STK32B: variants seen among roughly 807,000 people sequenced by gnomAD.
STK32B encodes serine/threonine-protein kinase 32B.
In STK32B, 43 loss-of-function variants were observed where a neutral mutation model predicts 52.6. The observed-to-expected ratio is 0.82, with a 90% CI of 0.64 to 1.05. The LOEUF (loss-of-function observed/expected upper bound fraction) is 1.05, where lower values mean the gene tolerates loss of function less well. Among genes scored for constraint, STK32B ranks in the 50% least tolerant of loss-of-function variants. The pLI, the probability that STK32B is intolerant of heterozygous loss-of-function variation, is 0.00. For synonymous variants in STK32B, 238 were observed against 204.3 expected, an observed-to-expected ratio of 1.17 and a Z score of -1.41; for missense variants, 621 against 534.6, an observed-to-expected ratio of 1.16 and a Z score of -1.59.
At chr4:5,049,957 C>A (rs1485249295), upstream of STK32B, among the ~76,000 whole-genome samples, 1 of 152,158 alleles carries the variant, frequency 6.6e-6, no homozygotes, top group African/African-American at 2.4e-5. Context: ...ACCTTCTGGA[C>A]TCAGATGAAG....
chr4:5,185,985 C>A (rs779224850), intron 3 of STK32B, among the ~76,000 whole-genome samples: 4 of 152,222 alleles, frequency 2.6e-5, no homozygotes, highest in Non-Finnish European at 2.9e-5. Flanking sequence ...TCTGCTCAGG[C>A]TGTGCCCTCT....
At chr4:5,441,696 A>C (rs1249371288) in intron 6 of STK32B, among the ~76,000 whole-genome samples, 1 of 151,582 alleles carries the variant, frequency 6.6e-6, no homozygotes, top group Non-Finnish European at 1.5e-5. Context: ...TTGTGATGTT[A>C]GGGTGTCAAT....
intron 3 of STK32B, among the ~76,000 whole-genome samples, chr4:5,305,863 A>G (rs530547596): frequency 9.1e-4 from 139 of 152,224 alleles, no homozygotes; most frequent in Middle Eastern, 3.4e-3. Flanking sequence ...TCCTCTTAGC[A>G]CCACTTTTGC....
intron 3 of STK32B, among the ~76,000 whole-genome samples, chr4:5,298,699 A>G (rs1729365885): frequency 6.6e-6 from 1 of 152,218 alleles, no homozygotes; most frequent in Non-Finnish European, 1.5e-5. Flanking sequence ...AAGAATTTCA[A>G]GCCATTGGAT....
rs7679648 is a variant in STK32B, at chr4:5,410,954, A to G, written c.473-5891A>G. Among the ~76,000 whole-genome samples, 1,194 of 152,166 alleles carry G rather than the reference A, an allele frequency of 7.8e-3. 20 individuals are homozygous for G. Among genetic ancestry groups the G allele is most frequent in the African/African-American group, 0.027 (1,112 of 41,500 alleles). On this transcript the variant is annotated intron_variant, in intron 5 of 11. Transcript: ENST00000282908. ...TTGTAGTTGCGTCCTCTCATGGCAG[A>G]AGATGGAAGATCAAAACGGTGAATG... is the stretch of plus-strand genomic sequence containing the variant.
chr4:5,172,284 A>G (rs1459412894), intron 3 of STK32B, among the ~76,000 whole-genome samples: 2 of 152,072 alleles, frequency 1.3e-5, no homozygotes, highest in African/African-American at 4.8e-5. Flanking sequence ...TCTTTTCCTA[A>G]TTGAATACCC....
chr4:5,028,196 C>T, the STK32B span, among the ~76,000 whole-genome samples: 8 of 152,152 alleles, frequency 5.3e-5, no homozygotes, highest in Non-Finnish European at 1.0e-4. Context: ...TGCAGTGGAG[C>T]CATCTTAGCT....
intron 1 of STK32B, among the ~76,000 whole-genome samples, chr4:5,121,628 C>A (rs529287471): frequency 1.8e-3 from 274 of 152,280 alleles, no homozygotes; most frequent in African/African-American, 6.1e-3. Flanking sequence ...CAGGTTTGAT[C>A]CACCAGGTAG....
At chr4:5,086,228 T>G (rs1285093281) in intron 1 of STK32B, among the ~76,000 whole-genome samples, 1 of 152,202 alleles carries the variant, frequency 6.6e-6, no homozygotes, top group Non-Finnish European at 1.5e-5. Context: ...CCCCAGACTT[T>G]CACCTCTGCC....
At chr4:5,134,291 G>A (rs1037628726) in intron 1 of STK32B, among the ~76,000 whole-genome samples, 7 of 152,170 alleles carry the variant, frequency 4.6e-5, no homozygotes, top group Admixed American at 3.3e-4. Context: ...CTAATAAAAG[G>A]TGATTAGGCC....
chr4:5,123,500 G>A (rs189117133), intron 1 of STK32B, among the ~76,000 whole-genome samples: 51 of 152,116 alleles, frequency 3.4e-4, no homozygotes, highest in Non-Finnish European at 6.5e-4. Context: ...AGCCTGGGGG[G>A]CTTCAACAAC....
At chr4:5,110,061 C>G (rs1323428691) in intron 1 of STK32B, among the ~76,000 whole-genome samples, 1 of 150,674 alleles carries the variant, frequency 6.6e-6, no homozygotes, top group Non-Finnish European at 1.5e-5. Context: ...TGAAAGAGCT[C>G]TATAAGGAGA....
At chr4:5,311,784 T>C (rs1482581732) in intron 3 of STK32B, among the ~76,000 whole-genome samples, 2 of 152,022 alleles carry the variant, frequency 1.3e-5, no homozygotes, top group Non-Finnish European at 2.9e-5. Flanking sequence ...TCACAATAGC[T>C]TCTGAAAATT....
At chr4:5,403,904 G>A (rs1188790138) in intron 5 of STK32B, among the ~76,000 whole-genome samples, 1 of 152,130 alleles carries the variant, frequency 6.6e-6, no homozygotes, top group Non-Finnish European at 1.5e-5. Flanking sequence ...GGAGCCAGTG[G>A]TGGATGTCTT....
intron 3 of STK32B, among the ~76,000 whole-genome samples, chr4:5,303,853 T>C (rs72613200): frequency 0.014 from 2,061 of 152,268 alleles, 28 homozygotes; most frequent in East Asian, 0.071. Flanking sequence ...AGTTGATTTT[T>C]GTATAGGGTG....
chr4:5,326,673 C>T (rs1316913596), intron 3 of STK32B, among the ~76,000 whole-genome samples: 5 of 152,218 alleles, frequency 3.3e-5, no homozygotes, highest in African/African-American at 9.6e-5. Context: ...AATGCTAACA[C>T]TCATCTGAGC....
At chr4:5,028,407 G>A in the STK32B span, among the ~76,000 whole-genome samples, 1 of 152,220 alleles carries the variant, frequency 6.6e-6, no homozygotes, top group Non-Finnish European at 1.5e-5. Context: ...TCCCAGGCCA[G>A]GATTGAGTTT....
upstream of STK32B, among the ~76,000 whole-genome samples, chr4:5,047,817 C>A (rs895710674): frequency 6.6e-6 from 1 of 152,162 alleles, no homozygotes; most frequent in Non-Finnish European, 1.5e-5. Context: ...AAGTCCTAAC[C>A]CCTGGAACTG....
At chr4:5,116,990 G>A (rs9998951) in intron 1 of STK32B, among the ~76,000 whole-genome samples, 4 of 151,956 alleles carry the variant, frequency 2.6e-5, no homozygotes, top group Non-Finnish European at 5.9e-5. Flanking sequence ...TGCATGTTGA[G>A]TTTGTATCCT....
Sources: allele counts gnomAD v4.1 joint callset (sites outside exome capture counted in the v4.1 genomes callset), GRCh38; gene constraint gnomAD v4.1.1; transcripts MANE v1.5; gene names NCBI Gene and HGNC (gene_info 2026-07-23, HGNC 2026-07-21).